The following ERF variants were observed in gnomAD, a reference collection of about 807,000 sequenced individuals.
ERF encodes ETS domain-containing transcription factor ERF.
Under a neutral mutation model 41.6 loss-of-function variants are expected in ERF, and 10 were observed. That is an observed-to-expected ratio of 0.24 (90% CI 0.15 to 0.41). ERF has a LOEUF of 0.41. Among genes scored for constraint, ERF ranks in the 10% least tolerant of loss-of-function variants. The pLI is 1.00. For synonymous variants in ERF, 395 were observed against 342.4 expected (o/e 1.15, Z -1.70); for missense variants, 621 against 763.2 (o/e 0.81, Z 2.19).
In ERF at chr19:42,255,122, G is replaced by C; in HGVS notation, c.-123C>G. On this transcript the variant is annotated 5_prime_UTR_variant, in exon 1 of 4. Transcript: ENST00000222329. ...GCCTCACCCGGCCTCGCCTCTCAGAGCCTCTCCCCTCCCCGCCGCCGCCTC... is the reference window on the plus strand; with the variant it reads ...GCCTCACCCGGCCTCGCCTCTCAGACCCTCTCCCCTCCCCGCCGCCGCCTC... The C allele has an allele frequency of 1.2e-6, 1 of 831,274 alleles. No homozygotes were observed. Among genetic ancestry groups the C allele is most frequent in the Non-Finnish European group, 1.6e-6 (1 of 620,378 alleles). 51.5% of individuals were successfully genotyped at this position (831,274 alleles called of 1,614,324 possible).
rs137956794 is a variant in ERF, at chr19:42,250,323, G to A, written c.257+8C>T. ...ACATGTGCTCAGGGGTCCCCAGCCC[G>A]TCCTCACCGCAGGGCCCGGCTCAGC... On this transcript the variant is annotated splice_region_variant and intron_variant, in intron 2 of 3. Transcript: ENST00000222329. This position sits in a 1 kb window ranked among gnomAD's most constrained non-coding sequence, Gnocchi z 5.1. 933 of 1,613,310 alleles carry A rather than the reference G, an allele frequency of 5.8e-4. 2 individuals are homozygous for A. The highest frequency in any genetic ancestry group is 7.4e-4 in the Non-Finnish European group (875 of 1,179,540).
chr19:42,251,669 G>A (rs897495493), intron 1 of ERF, among the ~76,000 whole-genome samples: 2 of 152,022 alleles, frequency 1.3e-5, no homozygotes, highest in Non-Finnish European at 2.9e-5. Context: ...AGGCTGCAGG[G>A]GTCAATCCGC....
In ERF at chr19:42,253,859, AGCC is replaced by A. The variant is rs528615990; in HGVS notation, c.22+1116_22+1118del. 1.8e-3 allele frequency: 1,911 copies of A among 1,033,466 alleles called. 1 individual carries two copies. Among genetic ancestry groups the A allele is most frequent in the South Asian group, 5.4e-3 (211 of 39,136 alleles). 64.0% of individuals were successfully genotyped at this position (1,033,466 alleles called of 1,614,324 possible). On this transcript the variant is annotated intron_variant, in intron 1 of 3. Transcript: ENST00000222329. ...GCACACACCCGCACACAGGAGCCCGAGCCGCCGCCGCCGCCGCCGCCGCCGCCG... is the reference window on the plus strand; with the variant it reads ...GCACACACCCGCACACAGGAGCCCGAGCCGCCGCCGCCGCCGCCGCCGCCG...
intron 1 of ERF, chr19:42,253,803 G>A (rs2036486753): frequency 1.1e-6 from 1 of 886,636 alleles, no homozygotes; most frequent in Non-Finnish European, 1.4e-6. Context: ...GAATGGGGTG[G>A]GGATGGGGTG....
In ERF at chr19:42,250,679, C is replaced by G; in HGVS notation, c.23-114G>C. On this transcript the variant is annotated intron_variant, in intron 1 of 3. Transcript: ENST00000222329. This position sits in a 1 kb window ranked among gnomAD's most constrained non-coding sequence, Gnocchi z 5.1. ...TTCAACATGGGGAAATCTGTCTCAC[C>G]TCAGCCAAGTCAAGATCTGATTTAA... 3 of 1,000,878 alleles carry G rather than the reference C, an allele frequency of 3.0e-6. No homozygotes were observed. Among genetic ancestry groups the G allele is most frequent in the Non-Finnish European group, 4.4e-6 (3 of 678,116 alleles). 62.0% of individuals were successfully genotyped at this position (1,000,878 alleles called of 1,614,324 possible).
In ERF at chr19:42,250,705, G is replaced by C; in HGVS notation, c.23-140C>G. On this transcript the variant is annotated intron_variant, in intron 1 of 3. Coordinates refer to ENST00000222329, the MANE Select transcript of ERF (RefSeq NM_006494.4). The surrounding 1 kb of genome is among the most constrained non-coding windows in gnomAD (Gnocchi z 5.1). Reference sequence around the variant, plus strand: ...TCAGCCAAGTCAAGATCTGATTTAAGAGAAGACAGTGCGTGTCTGTCTGTC... The same window carrying C: ...TCAGCCAAGTCAAGATCTGATTTAACAGAAGACAGTGCGTGTCTGTCTGTC... The C allele has an allele frequency of 2.4e-6, 2 of 835,418 alleles. No individual in the cohort carries two copies. Among genetic ancestry groups the C allele is most frequent in the East Asian group, 2.7e-5 (1 of 37,518 alleles). The allele number at this position is 835,418 out of a possible 1,614,324, so 51.8% of individuals were successfully genotyped here.
Position 42,255,048 on chromosome 19 carries a change from G to A in ERF, c.-49C>T. On this transcript the variant is annotated 5_prime_UTR_variant, in exon 1 of 4. Transcript: ENST00000222329. ...CCCCGATTCCGGGCCGCGGCTCCCG[G>A]CGCCCTCGCTGCCCCGTCCCGTCCC... is the stretch of plus-strand genomic sequence containing the variant. 3.7e-6 allele frequency: 5 copies of A among 1,344,776 alleles called. No homozygotes were observed. Among genetic ancestry groups the A allele is most frequent in the Non-Finnish European group, 4.8e-6 (5 of 1,048,694 alleles). The allele number at this position is 1,344,776 out of a possible 1,614,324, so 83.3% of individuals were successfully genotyped here. A position where few individuals can be genotyped will look rare whatever the true frequency, so the allele number is the denominator to read the frequency against.
chr19:42,250,698 G>T lies in ERF; in HGVS notation c.23-133C>A. 1 of 855,106 alleles carries T rather than the reference G, an allele frequency of 1.2e-6. No individual in the cohort carries two copies. The highest frequency in any genetic ancestry group is 1.8e-6 in the Non-Finnish European group (1 of 552,942). 53.0% of individuals were successfully genotyped at this position (855,106 alleles called of 1,614,324 possible). A position where few individuals can be genotyped will look rare whatever the true frequency, so the allele number is the denominator to read the frequency against. On this transcript the variant is annotated intron_variant, in intron 1 of 3. Transcript: ENST00000222329. This position sits in a 1 kb window ranked among gnomAD's most constrained non-coding sequence, Gnocchi z 5.1. ...TCTCACCTCAGCCAAGTCAAGATCT[G>T]ATTTAAGAGAAGACAGTGCGTGTCT...
In ERF at chr19:42,254,966, C is replaced by T. The variant is rs1255566556; in HGVS notation, c.22+12G>A. ...AACAAGTCTCCCCCACACGTGCTGC[C>T]CCCGCCCCCACCTGTGTCCGCCGGG... On this transcript the variant is annotated intron_variant, in intron 1 of 3. Transcript: ENST00000222329. 1 of 1,497,348 alleles carries T rather than the reference C, an allele frequency of 6.7e-7. No homozygotes were observed. The highest frequency in any genetic ancestry group is 2.8e-5 in the Admixed American group (1 of 35,312). 92.8% of individuals were successfully genotyped at this position (1,497,348 alleles called of 1,614,324 possible).
chr19:42,248,861 G>A lies in ERF; in HGVS notation c.1251C>T (p.Ala417=). ...TGATCTGTGGTGGCGGGGGCGGTGG[G>A]GCTAGCGCCCCTGCCCCCTCAGCCA... The part of the protein sequence containing the change: ...GGLAEGAGAL[A]PPPPPPQIKV... Residue 417 remains alanine (A), a synonymous_variant, in exon 4 of 4, where the codon GCC becomes GCT. Coordinates refer to ENST00000222329, the MANE Select transcript of ERF (RefSeq NM_006494.4). This position sits in a 1 kb window ranked among gnomAD's most constrained non-coding sequence, Gnocchi z 4.2. 6.2e-7 allele frequency: 1 copy of A among 1,609,432 alleles called. No individual in the cohort carries two copies. The highest frequency in any genetic ancestry group is 1.7e-5 in the Admixed American group (1 of 59,912).
Position 42,248,787 on chromosome 19 carries a change from T to G in ERF, c.1325A>C (p.Asp442Ala), listed in dbSNP as rs2036380173. 6.2e-7 allele frequency: 1 copy of G among 1,613,334 alleles called. No individual in the cohort carries two copies. The highest frequency in any genetic ancestry group is 1.3e-5 in the African/African-American group (1 of 74,910). The part of the protein sequence containing the change: ...EGESEEVEVT[D>A]ISDEDEEDGE... ...GTCTTCCTCATCCTCATCACTGATG[T>G]CAGTCACCTCTACCTCCTCCGACTC... is the stretch of plus-strand genomic sequence containing the variant. The change falls in exon 4 of 4, where the codon GAC becomes GCC. Residue 442 changes from aspartate to alanine, a missense_variant. Around this residue, in one of 3 missense-constraint regions of ERF, gnomAD observed 569 missense variants for 625.5 expected, o/e 0.91. Transcript: ENST00000222329. This position sits in a 1 kb window ranked among gnomAD's most constrained non-coding sequence, Gnocchi z 4.2.
At position 42,253,778 on chromosome 19, in the gene ERF, A is replaced by ATGGGAATGGGG. The variant is rs563716200; in HGVS notation, c.22+1189_22+1199dup. The ATGGGAATGGGG allele has an allele frequency of 3.1e-4, 215 of 696,008 alleles. 1 individual carries two copies. In the South Asian group the frequency reaches 4.8e-3, roughly 16 times the overall value. 43.1% of individuals were successfully genotyped at this position (696,008 alleles called of 1,614,324 possible). On this transcript the variant is annotated intron_variant, in intron 1 of 3. Transcript: ENST00000222329. ...CCACCCGCCGAGCAGGGGGATGGGG[A>ATGGGAATGGGG]TGGGAATGGGGTGGGAATGGGGTGG...
In ERF at chr19:42,250,072, A is replaced by G; in HGVS notation, c.258-130T>C. On this transcript the variant is annotated intron_variant, in intron 2 of 3. Transcript: ENST00000222329. This position sits in a 1 kb window ranked among gnomAD's most constrained non-coding sequence, Gnocchi z 5.1. ...GAACGTAGGCCACAAAAGACAAATC[A>G]AGTGCCCAGAGGGTGGGTACCAGCT... 1.1e-6 allele frequency: 1 copy of G among 932,060 alleles called. No individual in the cohort carries two copies. Among genetic ancestry groups the G allele is most frequent in the South Asian group, 1.4e-5 (1 of 69,030 alleles). The allele number at this position is 932,060 out of a possible 1,614,324, so 57.7% of individuals were successfully genotyped here.
Position 42,249,920 on chromosome 19 carries a change from G to A in ERF, c.280C>T (p.Leu94=), listed in dbSNP as rs770925496. Reference sequence around the variant, plus strand: ...AACCGTTTCCCCTTGGTCTTGTGCAGAATGCGCTTGTTATAGTAATAGCTG... The same window carrying A: ...AACCGTTTCCCCTTGGTCTTGTGCAAAATGCGCTTGTTATAGTAATAGCTG... ...ALRYYYNKRI[L]HKTKGKRFTY... The change falls in exon 3 of 4, where the codon CTG becomes TTG. Residue 94 remains leucine (L), a synonymous_variant. Coordinates refer to ENST00000222329, the MANE Select transcript of ERF (RefSeq NM_006494.4). The surrounding 1 kb of genome is among the most constrained non-coding windows in gnomAD (Gnocchi z 8.6). The A allele has an allele frequency of 6.2e-6, 10 of 1,614,174 alleles. No individual in the cohort carries two copies. In the Admixed American group the frequency reaches 8.3e-5, roughly 13 times the overall value.
chr19:42,252,690 A>G (rs1488037967), intron 1 of ERF, among the ~76,000 whole-genome samples: 2 of 150,890 alleles, frequency 1.3e-5, no homozygotes, highest in African/African-American at 4.9e-5. Context: ...GGCTTTCCTC[A>G]TCGGACACAG....
rs774100223 is a variant in ERF at position 42,248,625 on chromosome 19, C to T, written c.1487G>A (p.Gly496Glu). ...RRWSEDCRLE[G>E]GGGPAGGFED... The stretch of plus-strand genomic sequence containing the variant: ...AAAGCCCCCAGCGGGGCCCCCACCC[C>T]CTTCGAGGCGACAGTCTTCACTCCA... The change falls in exon 4 of 4, where the codon GGG (glycine) becomes GAG (glutamate). Residue 496 changes from glycine to glutamate, a missense_variant. By Grantham distance (98) the Gly-to-Glu change is moderately conservative. Coordinates refer to ENST00000222329, the MANE Select transcript of ERF (RefSeq NM_006494.4). The surrounding 1 kb of genome is among the most constrained non-coding windows in gnomAD (Gnocchi z 4.2). 2 of 1,584,934 alleles carry T rather than the reference C, an allele frequency of 1.3e-6. No individual in the cohort carries two copies. The highest frequency in any genetic ancestry group is 2.3e-5 in the South Asian group (2 of 87,654).
At chr19:42,252,886 C>G (rs1177863179) in intron 1 of ERF, among the ~76,000 whole-genome samples, 3 of 152,042 alleles carry the variant, frequency 2.0e-5, no homozygotes, top group African/African-American at 4.8e-5. Context: ...CAGACCTGCA[C>G]GGAGGAAGCT....
Position 42,255,031 on chromosome 19 carries a change from C to T in ERF, c.-32G>A. On this transcript the variant is annotated 5_prime_UTR_variant, in exon 1 of 4. Coordinates refer to ENST00000222329, the MANE Select transcript of ERF (RefSeq NM_006494.4). Reference sequence around the variant, plus strand: ...GGGCCCGGGGCGAAGCGCCCCGATTCCGGGCCGCGGCTCCCGGCGCCCTCG... The same window carrying T: ...GGGCCCGGGGCGAAGCGCCCCGATTTCGGGCCGCGGCTCCCGGCGCCCTCG... 1 of 1,389,348 alleles carries T rather than the reference C, an allele frequency of 7.2e-7. No homozygotes were observed. The highest frequency in any genetic ancestry group is 1.9e-5 in the South Asian group (1 of 51,390). The allele number at this position is 1,389,348 out of a possible 1,614,324, so 86.1% of individuals were successfully genotyped here.
Position 42,249,806 on chromosome 19 carries a change from C to A in ERF, c.373+21G>T. On this transcript the variant is annotated intron_variant, in intron 3 of 3. Transcript: ENST00000222329. The surrounding 1 kb of genome is among the most constrained non-coding windows in gnomAD (Gnocchi z 8.6). ...AAGGGGCATGTAGACCCTCTCCACA[C>A]CAACCATCCCTGGTACTCACCAGCC... The A allele has an allele frequency of 6.2e-7, 1 of 1,614,134 alleles. No homozygotes were observed.
Sources: gnomAD v4.1 joint callset for allele counts (sites outside exome capture counted in the v4.1 genomes callset) on GRCh38, gnomAD v4.1.1 for gene constraint, gnomAD v4.1.1 regional missense constraint, Gnocchi (gnomAD v3.1) non-coding constraint, MANE v1.5 for transcripts, NCBI Gene and HGNC (gene_info 2026-07-23, HGNC 2026-07-21) for gene names.